Variants in SPATA13 observed in about 807,000 individuals in gnomAD.
SPATA13 encodes the protein spermatogenesis-associated protein 13.
Under a neutral mutation model 104.0 loss-of-function variants are expected in SPATA13, and 50 were observed. The ratio of observed to expected loss-of-function variants is 0.48; its 90% CI spans 0.38 to 0.61. SPATA13 has a LOEUF of 0.61. SPATA13 is among the 20% of genes least tolerant of loss of function. The pLI is 0.00. For missense variants in SPATA13, 1,524 were observed against 1,690.6 expected (o/e 0.90, Z 1.73); for synonymous variants, 606 against 667.5 (o/e 0.91, Z 1.42).
At chr13:24,267,822 G>T (rs1278247845) in intron 4 of SPATA13, among the ~76,000 whole-genome samples, 1 of 152,242 alleles carries the variant, frequency 6.6e-6, no homozygotes, top group Non-Finnish European at 1.5e-5. Flanking sequence ...AAAAGATACT[G>T]ATATTGAAGA....
intron 2 of SPATA13, among the ~76,000 whole-genome samples, chr13:23,997,180 T>C (rs1352150187): frequency 6.6e-6 from 1 of 152,214 alleles, no homozygotes; most frequent in Admixed American, 6.5e-5. Flanking sequence ...TGAGCAGAAA[T>C]GGTTTCCATT....
intron 2 of SPATA13, among the ~76,000 whole-genome samples, chr13:24,008,567 GGAGA>G (rs148859731): frequency 5.3e-5 from 8 of 150,670 alleles, no homozygotes; most frequent in African/African-American, 1.9e-4. Context: ...GAAGGGGAGG[GGAGA>G]GAGAGAGAGA....
intron 3 of SPATA13, among the ~76,000 whole-genome samples, chr13:24,050,160 A>G (rs1878292214): frequency 6.6e-6 from 1 of 152,204 alleles, no homozygotes; most frequent in African/African-American, 2.4e-5. Context: ...GTGAGCCACC[A>G]TGCCAGGCCT....
chr13:24,206,738 A>G (rs1870717646), intron 1 of SPATA13, among the ~76,000 whole-genome samples: 1 of 152,128 alleles, frequency 6.6e-6, no homozygotes, highest in Non-Finnish European at 1.5e-5. Flanking sequence ...CTAAAAATAC[A>G]AAAATTAGCC....
At chr13:24,107,364 A>T (rs1234261058) in intron 3 of SPATA13, among the ~76,000 whole-genome samples, 1 of 151,324 alleles carries the variant, frequency 6.6e-6, no homozygotes, top group African/African-American at 2.4e-5. Flanking sequence ...AGAAACGAGC[A>T]CTCCTCATCA....
rs760813325 is a variant in SPATA13, at chr13:24,290,725, T to C, written c.2921T>C (p.Met974Thr). ...GCCTGCCTGGAGCTCGCCAACCTCA[T>C]GAAGCAGGGCAAGTACAGACATTTC... ...PGACLELANLMKQGKYRHFFE... is the reference protein window; with the variant it reads ...PGACLELANLTKQGKYRHFFE... Residue 974 changes from methionine (M) to threonine (T), a missense_variant, in exon 9 of 13, where the codon ATG becomes ACG. Coordinates refer to ENST00000382108, the MANE Select transcript of SPATA13 (RefSeq NM_001166271.3). 20 of 1,614,200 alleles carry C rather than the reference T, an allele frequency of 1.2e-5. No individual in the cohort carries two copies. The highest frequency in any genetic ancestry group is 1.6e-4 in the Middle Eastern group (1 of 6,062).
chr13:24,227,370 A>G (rs1872003186), intron 2 of SPATA13, among the ~76,000 whole-genome samples: 1 of 152,140 alleles, frequency 6.6e-6, no homozygotes, highest in African/African-American at 2.4e-5. Flanking sequence ...GGTGATTTTG[A>G]CCATTTTATG....
At chr13:24,135,435 C>T (rs568467529) in intron 3 of SPATA13, among the ~76,000 whole-genome samples, 6 of 152,220 alleles carry the variant, frequency 3.9e-5, no homozygotes, top group East Asian at 1.9e-4. Context: ...CAGTGGCTCA[C>T]GCCTGTAATC....
intron 3 of SPATA13, among the ~76,000 whole-genome samples, chr13:24,049,556 G>A (rs1296896108): frequency 6.6e-6 from 1 of 151,990 alleles, no homozygotes; most frequent in East Asian, 1.9e-4. Context: ...GGTGTTGGTG[G>A]TCACAGTAAC....
At chr13:23,995,131 C>T (rs989837006) in intron 2 of SPATA13, among the ~76,000 whole-genome samples, 7 of 152,232 alleles carry the variant, frequency 4.6e-5, no homozygotes, top group Admixed American at 6.5e-5. Flanking sequence ...TGCCAAGGTT[C>T]GGGAACCCTG....
chr13:24,290,314 A>C (rs967493894), intron 8 of SPATA13, among the ~76,000 whole-genome samples: 1 of 152,148 alleles, frequency 6.6e-6, no homozygotes, highest in Non-Finnish European at 1.5e-5. Context: ...GAGTTGAAAA[A>C]ATTTGTGGGA....
At chr13:24,056,133 G>A (rs1431200382) in intron 3 of SPATA13, among the ~76,000 whole-genome samples, 1 of 152,214 alleles carries the variant, frequency 6.6e-6, no homozygotes, top group Non-Finnish European at 1.5e-5. Context: ...GCACCCCTCA[G>A]AATTTCACAG....
At chr13:24,289,499 C>G (rs946296568) in intron 8 of SPATA13, among the ~76,000 whole-genome samples, 1 of 152,102 alleles carries the variant, frequency 6.6e-6, no homozygotes, top group Non-Finnish European at 1.5e-5. Flanking sequence ...TAATAATATC[C>G]AGGAAGTGTC....
chr13:24,204,721 A>G (rs1485695406), intron 1 of SPATA13, among the ~76,000 whole-genome samples: 1 of 152,186 alleles, frequency 6.6e-6, no homozygotes, highest in Non-Finnish European at 1.5e-5. Context: ...TGTGACTGTC[A>G]TATTTCAGTT....
At chr13:24,025,423 C>T (rs995051723) in intron 3 of SPATA13, among the ~76,000 whole-genome samples, 3 of 152,080 alleles carry the variant, frequency 2.0e-5, no homozygotes, top group Non-Finnish European at 4.4e-5. Flanking sequence ...TACAAAAATA[C>T]TTTCCAATGA....
At chr13:24,085,187 A>G (rs934569162) in intron 3 of SPATA13, among the ~76,000 whole-genome samples, 1 of 152,092 alleles carries the variant, frequency 6.6e-6, no homozygotes, top group Non-Finnish European at 1.5e-5. Context: ...CAGCGGTGCA[A>G]TCTGGGCTCA....
At chr13:24,186,541 A>T (rs1200922374) in intron 1 of SPATA13, among the ~76,000 whole-genome samples, 1 of 152,210 alleles carries the variant, frequency 6.6e-6, no homozygotes, top group Non-Finnish European at 1.5e-5. Context: ...ACGAGTCAAG[A>T]TTAAAGCTGA....
chr13:23,990,058 C>T (rs1875339911), intron 2 of SPATA13, among the ~76,000 whole-genome samples: 2 of 152,186 alleles, frequency 1.3e-5, no homozygotes, highest in African/African-American at 4.8e-5. Flanking sequence ...CAGAGTAAGA[C>T]AACTGCCAAC....
chr13:24,224,323 G>A lies in SPATA13; in HGVS notation c.1394G>A (p.Arg465Lys), dbSNP rs1871800807. 6.4e-7 allele frequency: 1 copy of A among 1,551,658 alleles called. No homozygotes were observed. The highest frequency in any genetic ancestry group is 1.2e-5 in the South Asian group (1 of 84,056). The change falls in exon 2 of 13, where the codon AGG becomes AAG. Residue 465 changes from arginine to lysine, a missense_variant. Coordinates refer to ENST00000382108, the MANE Select transcript of SPATA13 (RefSeq NM_001166271.3). ...FDPEQPPTPL[R>K]PTTPKPQSPQ... is the part of the protein sequence containing the mutation. ...CCTGAGCAGCCTCCCACCCCTCTAAGGCCCACCACACCCAAGCCCCAGAGC... is the reference window on the plus strand; with the variant it reads ...CCTGAGCAGCCTCCCACCCCTCTAAAGCCCACCACACCCAAGCCCCAGAGC...
Sources: allele counts gnomAD v4.1 joint callset (sites outside exome capture counted in the v4.1 genomes callset), GRCh38; gene constraint gnomAD v4.1.1; transcripts MANE v1.5; gene names NCBI Gene and HGNC (gene_info 2026-07-23, HGNC 2026-07-21).